FHIT: variants seen among roughly 807,000 people sequenced by gnomAD.
The protein encoded by FHIT is bis(5'-adenosyl)-triphosphatase.
In FHIT, 19 loss-of-function variants were observed where a neutral mutation model predicts 17.9. That is an observed-to-expected ratio of 1.06 (90% CI 0.74 to 1.56). The LOEUF (loss-of-function observed/expected upper bound fraction) is 1.56. Ranked by LOEUF, FHIT falls within the 40% of genes most tolerant of loss-of-function variation. FHIT has a pLI of 0.00. For missense variants in FHIT, 248 were observed against 189.2 expected, an observed-to-expected ratio of 1.31 and a Z score of -1.82; for synonymous variants, 81 against 69.7, an observed-to-expected ratio of 1.16 and a Z score of -0.81.
At chr3:60,971,640 T>C (rs910189553) in intron 3 of FHIT, among the ~76,000 whole-genome samples, 2 of 152,148 alleles carry the variant, frequency 1.3e-5, no homozygotes, top group African/African-American at 4.8e-5. Context: ...AAATGCTTCC[T>C]AGCTGTAATT....
intron 4 of FHIT, among the ~76,000 whole-genome samples, chr3:60,782,524 T>A (rs1700428860): frequency 6.6e-6 from 1 of 152,148 alleles, no homozygotes; most frequent in Admixed American, 6.5e-5. Flanking sequence ...ATGCTATCCC[T>A]GACACACTCT....
chr3:60,079,433 TA>T (rs1027701623), intron 5 of FHIT, among the ~76,000 whole-genome samples: 9 of 152,020 alleles, frequency 5.9e-5, no homozygotes, highest in Non-Finnish European at 1.3e-4. Flanking sequence ...TTTTTACTTT[TA>T]AAAAGGTCTC....
chr3:60,860,465 T>C (rs1703674043), intron 3 of FHIT, among the ~76,000 whole-genome samples: 2 of 130,212 alleles, frequency 1.5e-5, no homozygotes, highest in African/African-American at 2.9e-5. Flanking sequence ...TATGTACATA[T>C]ATATGTATAT....
chr3:60,877,578 T>C (rs1251865908), intron 3 of FHIT, among the ~76,000 whole-genome samples: 1 of 152,082 alleles, frequency 6.6e-6, no homozygotes, highest in East Asian at 1.9e-4. Context: ...CCCAGGTAAA[T>C]GGTGCCTGGG....
At chr3:60,281,149 G>A (rs1024505480) in intron 5 of FHIT, among the ~76,000 whole-genome samples, 3 of 106,314 alleles carry the variant, frequency 2.8e-5, no homozygotes, top group South Asian at 3.3e-4. Context: ...AACAATATAT[G>A]TACAGGATCT....
Position 59,891,202 on chromosome 3 carries a change from G to C in FHIT, c.348+31144C>G, listed in dbSNP as rs559863124. Among the ~76,000 whole-genome samples, 3 of 152,294 alleles carry C rather than the reference G, an allele frequency of 2.0e-5. No homozygotes were observed. In the South Asian group the frequency reaches 6.2e-4, roughly 32 times the overall value. On this transcript the variant is annotated intron_variant, in intron 8 of 9. Coordinates refer to ENST00000492590, the MANE Select transcript of FHIT (RefSeq NM_002012.4). ...CCTTCCAGTTGTCCAGCTGGGGTCA[G>C]TTGCCAACTCTGGCGGGCAAAATAT... is the stretch of plus-strand genomic sequence containing the variant.
At chr3:61,146,428 A>G (rs2037228517) in intron 2 of FHIT, among the ~76,000 whole-genome samples, 1 of 152,076 alleles carries the variant, frequency 6.6e-6, no homozygotes, top group Non-Finnish European at 1.5e-5. Flanking sequence ...AAGGAAAAGA[A>G]CACAACCTAA....
At chr3:60,392,718 C>A (rs941355313) in intron 5 of FHIT, among the ~76,000 whole-genome samples, 40 of 152,126 alleles carry the variant, frequency 2.6e-4, no homozygotes, top group African/African-American at 9.4e-4. Flanking sequence ...GAGATGGAAC[C>A]TGGTTTTACC....
chr3:61,011,046 T>G (rs1037062312), intron 3 of FHIT, among the ~76,000 whole-genome samples: 3 of 152,228 alleles, frequency 2.0e-5, no homozygotes, highest in Non-Finnish European at 1.5e-5. Context: ...CTTCGAATGT[T>G]TCCTTTCTTT....
intron 8 of FHIT, among the ~76,000 whole-genome samples, chr3:59,839,318 CAAA>C (rs11288370): frequency 7.5e-6 from 1 of 132,584 alleles, no homozygotes. Context: ...ACTTCATTTT[CAAA>C]AAAAAAAAAA....
chr3:61,083,319 G>A (rs1010022617), intron 2 of FHIT, among the ~76,000 whole-genome samples: 7 of 152,270 alleles, frequency 4.6e-5, no homozygotes, highest in Middle Eastern at 3.4e-3. Flanking sequence ...GGCCCGGCGC[G>A]TTGGCTCACG....
At chr3:60,865,715 A>T (rs1704128461) in intron 3 of FHIT, among the ~76,000 whole-genome samples, 1 of 152,060 alleles carries the variant, frequency 6.6e-6, no homozygotes, top group Non-Finnish European at 1.5e-5. Flanking sequence ...TCCCTGTGAG[A>T]TAGGCATGCT....
intron 5 of FHIT, among the ~76,000 whole-genome samples, chr3:60,132,621 A>T (rs1189566327): frequency 2.0e-5 from 3 of 152,178 alleles, no homozygotes; most frequent in Non-Finnish European, 4.4e-5. Flanking sequence ...GGGTGAGGAT[A>T]TTCTGTGTGA....
chr3:60,523,953 T>C (rs1167963767), intron 5 of FHIT, among the ~76,000 whole-genome samples: 1 of 152,228 alleles, frequency 6.6e-6, no homozygotes, highest in Non-Finnish European at 1.5e-5. Flanking sequence ...TGCAGTATAC[T>C]GCCTGGTGTG....
chr3:60,189,235 G>A (rs1453025006), intron 5 of FHIT, among the ~76,000 whole-genome samples: 1 of 151,964 alleles, frequency 6.6e-6, no homozygotes, highest in African/African-American at 2.4e-5. Context: ...TTTAGAAGCT[G>A]GGGGTGGGGG....
At chr3:61,088,908 T>C (rs1341550907) in intron 2 of FHIT, among the ~76,000 whole-genome samples, 2 of 152,110 alleles carry the variant, frequency 1.3e-5, no homozygotes, top group African/African-American at 2.4e-5. Context: ...TGTGAAGTAC[T>C]GCAAGTGTGG....
chr3:60,025,733 A>AG (rs1367415662), intron 5 of FHIT, among the ~76,000 whole-genome samples: 45 of 143,474 alleles, frequency 3.1e-4, no homozygotes, highest in African/African-American at 1.0e-3. Context: ...AAATTCTACC[A>AG]GAAAAAAAAA....
At chr3:60,645,915 T>C (rs2039845730) in intron 4 of FHIT, among the ~76,000 whole-genome samples, 1 of 152,174 alleles carries the variant, frequency 6.6e-6, no homozygotes, top group Non-Finnish European at 1.5e-5. Flanking sequence ...ATCCCTATGT[T>C]CCCAGATTCA....
chr3:59,757,201 C>A (rs553196467), intron 8 of FHIT, among the ~76,000 whole-genome samples: 1 of 152,142 alleles, frequency 6.6e-6, no homozygotes, highest in Admixed American at 6.5e-5. Context: ...GGAAAGTGCA[C>A]GCCAAAGTGA....
Sources: gnomAD v4.1 joint callset for allele counts (sites outside exome capture counted in the v4.1 genomes callset) on GRCh38, gnomAD v4.1.1 for gene constraint, MANE v1.5 for transcripts, NCBI Gene and HGNC (gene_info 2026-07-23, HGNC 2026-07-21) for gene names.